The following RELN variants were observed in gnomAD, a reference collection of about 807,000 sequenced individuals.
The protein encoded by RELN is reelin.
A neutral mutation model predicts 427.6 loss-of-function variants in RELN; 108 were observed. The ratio of observed to expected loss-of-function variants is 0.25; its 90% CI spans 0.22 to 0.30. The LOEUF (loss-of-function observed/expected upper bound fraction) is 0.30. Ranked by LOEUF, RELN falls within the 10% of genes least tolerant of loss-of-function variation. The pLI is 1.00. For synonymous variants in RELN, 1,524 were observed against 1,513.4 expected (o/e 1.01, Z -0.16); for missense variants, 3,715 against 4,302.8 (o/e 0.86, Z 3.82).
At chr7:103,898,639 G>C (rs970070924) in intron 2 of RELN, among the ~76,000 whole-genome samples, 1 of 151,878 alleles carries the variant, frequency 6.6e-6, no homozygotes, top group African/African-American at 2.4e-5. Flanking sequence ...GTTAAATAAG[G>C]GTGTCTCATA....
chr7:103,506,168 ATAT>A (rs1447063981), intron 51 of RELN, among the ~76,000 whole-genome samples: 1 of 152,242 alleles, frequency 6.6e-6, no homozygotes, highest in Non-Finnish European at 1.5e-5. Context: ...ACTCTTCAGG[ATAT>A]TATCCAGGAG....
At chr7:103,742,080 C>T (rs370881697) in intron 6 of RELN, among the ~76,000 whole-genome samples, 3 of 152,134 alleles carry the variant, frequency 2.0e-5, no homozygotes, top group Non-Finnish European at 2.9e-5. Context: ...TCCACAGGAA[C>T]GATCAGGCAG....
chr7:103,951,212 C>A (rs534011961), intron 1 of RELN, among the ~76,000 whole-genome samples: 1 of 152,166 alleles, frequency 6.6e-6, no homozygotes, highest in Non-Finnish European at 1.5e-5. Context: ...ACCACTTGCA[C>A]CAACTGCTTT....
At chr7:103,934,376 C>T (rs1337100713) in intron 1 of RELN, among the ~76,000 whole-genome samples, 7 of 152,138 alleles carry the variant, frequency 4.6e-5, no homozygotes, top group Admixed American at 6.6e-5. Flanking sequence ...ACACTTTATC[C>T]TTTGCCAGGA....
rs549312891 is a variant in RELN, at chr7:103,786,435, T to C, written c.474-9808A>G. Among the ~76,000 whole-genome samples the C allele has an allele frequency of 3.3e-5, 5 of 150,838 alleles. No homozygotes were observed. The South Asian group carries it at 1.0e-3, about 32-fold the overall frequency. Reference sequence around the variant, plus strand: ...AAGGCCAACCCATCAATGTGCTGTATTCAGGAGACCCATCTCATGTGCAAA... The same window carrying C: ...AAGGCCAACCCATCAATGTGCTGTACTCAGGAGACCCATCTCATGTGCAAA... On this transcript the variant is annotated intron_variant, in intron 3 of 64. Coordinates refer to ENST00000428762, the MANE Select transcript of RELN (RefSeq NM_005045.4).
chr7:103,625,226 A>G (rs1832304458), intron 20 of RELN, among the ~76,000 whole-genome samples: 1 of 152,210 alleles, frequency 6.6e-6, no homozygotes. Context: ...ACTTTCTATG[A>G]TAACATATTC....
intron 36 of RELN, among the ~76,000 whole-genome samples, chr7:103,560,598 G>T (rs1432004173): frequency 6.6e-6 from 1 of 152,126 alleles, no homozygotes; most frequent in Non-Finnish European, 1.5e-5. Context: ...GTGAGCTAAT[G>T]GTAATGAGAA....
At chr7:103,860,941 T>C (rs1320185647) in intron 2 of RELN, among the ~76,000 whole-genome samples, 1 of 152,084 alleles carries the variant, frequency 6.6e-6, no homozygotes, top group African/African-American at 2.4e-5. Context: ...AATATGTATA[T>C]AAAATGCAAA....
intron 2 of RELN, among the ~76,000 whole-genome samples, chr7:103,874,109 AT>A (rs1794418483): frequency 6.9e-6 from 1 of 144,334 alleles, no homozygotes; most frequent in Admixed American, 7.0e-5. Flanking sequence ...CAAAAACCAC[AT>A]GATTATCTCA....
intron 60 of RELN, among the ~76,000 whole-genome samples, chr7:103,489,511 G>A (rs1284090238): frequency 6.6e-6 from 1 of 152,194 alleles, no homozygotes. Context: ...TTTATAGAAT[G>A]TCTGGAGTAG....
At chr7:103,500,347 C>G (rs74532616) in intron 53 of RELN, among the ~76,000 whole-genome samples, 248 of 152,046 alleles carry the variant, frequency 1.6e-3, no homozygotes, top group African/African-American at 5.8e-3. Flanking sequence ...AAAATTTGGT[C>G]TTTTGTGATA....
rs886061858 is a variant in RELN at position 103,574,295 on chromosome 7, T to C, written c.4308A>G (p.Ala1436=). Residue 1436 remains alanine, a synonymous_variant, in exon 30 of 65, where the codon GCA becomes GCG. Coordinates refer to ENST00000428762, the MANE Select transcript of RELN (RefSeq NM_005045.4). ...GGACATTTGACACACAGGTTCCTTG[T>C]GCAGCTTCAGAAAAAGAAATAGAGA... is the stretch of plus-strand genomic sequence containing the variant. ...VCFCDLGYTA[A]QGTCVSNVPN... 2 of 1,613,892 alleles carry C rather than the reference T, an allele frequency of 1.2e-6. No individual in the cohort carries two copies.
intron 1 of RELN, among the ~76,000 whole-genome samples, chr7:103,932,983 C>T (rs1234782888): frequency 6.6e-6 from 1 of 152,152 alleles, no homozygotes. Context: ...TCAAGGGCTA[C>T]AGGCAGAAGT....
At position 103,824,068 on chromosome 7, in the gene RELN, GT is replaced by G. The variant is rs1793072346; in HGVS notation, c.473+9468del. Among the ~76,000 whole-genome samples, 1 of 151,862 alleles carries G rather than the reference GT, an allele frequency of 6.6e-6. No individual in the cohort carries two copies. Among genetic ancestry groups the G allele is most frequent in the Admixed American group, 6.6e-5 (1 of 15,216 alleles). Reference sequence around the variant, plus strand: ...TCTTTTCTATTTTGTCACCTTTGATGTTTTCTGTCGTTGATATACTGAAGGC... The same window carrying G: ...TCTTTTCTATTTTGTCACCTTTGATGTTTCTGTCGTTGATATACTGAAGGC... On this transcript the variant is annotated intron_variant, in intron 3 of 64. Transcript: ENST00000428762. This position sits in a 1 kb window ranked among gnomAD's most constrained non-coding sequence, Gnocchi z 4.4.
At chr7:103,691,284 T>C (rs1833865621) in intron 10 of RELN, among the ~76,000 whole-genome samples, 1 of 152,088 alleles carries the variant, frequency 6.6e-6, no homozygotes, top group Non-Finnish European at 1.5e-5. Context: ...TCTTCCCTAC[T>C]TGAGATAAAC....
At position 103,573,940 on chromosome 7, in the gene RELN, G is replaced by A; in HGVS notation, c.4511+152C>T. 3 of 729,544 alleles carry A rather than the reference G, an allele frequency of 4.1e-6. No individual in the cohort carries two copies. The South Asian group carries it at 5.0e-5, about 12-fold the overall frequency. 45.2% of individuals were successfully genotyped at this position (729,544 alleles called of 1,614,324 possible). A position where few individuals can be genotyped will look rare whatever the true frequency, so the allele number is the denominator to read the frequency against. On this transcript the variant is annotated intron_variant, in intron 30 of 64. Coordinates refer to ENST00000428762, the MANE Select transcript of RELN (RefSeq NM_005045.4). The surrounding 1 kb of genome is among the most constrained non-coding windows in gnomAD (Gnocchi z 4.4). ...TAGAAACCACCTATTTTATTCCAAAGCTAAAGTTATCTTCATTTTTACATA... is the reference window on the plus strand; with the variant it reads ...TAGAAACCACCTATTTTATTCCAAAACTAAAGTTATCTTCATTTTTACATA...
intron 3 of RELN, among the ~76,000 whole-genome samples, chr7:103,790,708 A>T (rs1016368167): frequency 6.6e-6 from 1 of 152,164 alleles, no homozygotes; most frequent in Non-Finnish European, 1.5e-5. Flanking sequence ...TCATGCCTGT[A>T]ATCCCAGGAA....
At chr7:103,491,604 C>A (rs961818775) in intron 58 of RELN, among the ~76,000 whole-genome samples, 1 of 151,708 alleles carries the variant, frequency 6.6e-6, no homozygotes, top group Non-Finnish European at 1.5e-5. Context: ...CAGAGGCAGG[C>A]GGATCACCTG....
At chr7:103,679,230 A>G (rs762303324) in intron 11 of RELN, among the ~76,000 whole-genome samples, 7 of 152,182 alleles carry the variant, frequency 4.6e-5, no homozygotes, top group Non-Finnish European at 8.8e-5. Flanking sequence ...AAAACAGAAA[A>G]TACTAGGTCT....
Sources: gnomAD v4.1 joint callset for allele counts (sites outside exome capture counted in the v4.1 genomes callset) on GRCh38, gnomAD v4.1.1 for gene constraint, Gnocchi (gnomAD v3.1) non-coding constraint, MANE v1.5 for transcripts, NCBI Gene and HGNC (gene_info 2026-07-23, HGNC 2026-07-21) for gene names.